PYGO1: variants seen among roughly 807,000 people sequenced by gnomAD.
PYGO1 encodes pygopus homolog 1.
Under a neutral mutation model 29.5 loss-of-function variants are expected in PYGO1, and 6 were observed. That is an observed-to-expected ratio of 0.20 (90% CI 0.11 to 0.40). The LOEUF (loss-of-function observed/expected upper bound fraction) is 0.40, where lower values mean the gene tolerates loss of function less well. Among genes scored for constraint, PYGO1 ranks in the 10% least tolerant of loss-of-function variants. The pLI is 1.00. For synonymous variants in PYGO1, 186 were observed against 180.5 expected (o/e 1.03, Z -0.24); for missense variants, 515 against 514.9 (o/e 1.00, Z 0.00).
At chr15:55,565,715 C>A (rs912726048) in intron 1 of PYGO1, among the ~76,000 whole-genome samples, 34 of 151,780 alleles carry the variant, frequency 2.2e-4, no homozygotes, top group Non-Finnish European at 4.4e-4. Flanking sequence ...CTCCGTCTCC[C>A]CCAAAAAAAA....
At chr15:55,584,317 T>C (rs1220465945) in intron 1 of PYGO1, among the ~76,000 whole-genome samples, 4 of 151,950 alleles carry the variant, frequency 2.6e-5, no homozygotes, top group Non-Finnish European at 5.9e-5. Flanking sequence ...CAGGTTGTCG[T>C]CCAGGCTGTT....
At chr15:55,561,225 C>A (rs1235297784) in intron 1 of PYGO1, among the ~76,000 whole-genome samples, 2 of 152,150 alleles carry the variant, frequency 1.3e-5, no homozygotes, top group Non-Finnish European at 2.9e-5. Flanking sequence ...TGACAAAAAT[C>A]TGCAATGGGG....
chr15:55,566,189 G>C (rs1026268421), intron 1 of PYGO1, among the ~76,000 whole-genome samples: 1 of 152,138 alleles, frequency 6.6e-6, no homozygotes, highest in Admixed American at 6.6e-5. Flanking sequence ...TGTCACCCAG[G>C]TGCTGAGCAT....
intron 1 of PYGO1, among the ~76,000 whole-genome samples, chr15:55,569,680 T>C (rs568015249): frequency 1.3e-5 from 2 of 152,330 alleles, no homozygotes; most frequent in African/African-American, 4.8e-5. Flanking sequence ...ATTTCAATTT[T>C]TTTGAATTTA....
At chr15:55,549,273 G>A (rs2058868339) in intron 1 of PYGO1, among the ~76,000 whole-genome samples, 1 of 152,030 alleles carries the variant, frequency 6.6e-6, no homozygotes, top group South Asian at 2.1e-4. Flanking sequence ...CTGTCTCAGA[G>A]GCCACCACTA....
At chr15:55,587,142 A>C (rs2059050349) in intron 1 of PYGO1, among the ~76,000 whole-genome samples, 1 of 152,210 alleles carries the variant, frequency 6.6e-6, no homozygotes, top group South Asian at 2.1e-4. Context: ...TTGTGAACTT[A>C]TATGCAGTAT....
intron 1 of PYGO1, among the ~76,000 whole-genome samples, chr15:55,563,366 C>CTTT (rs746208614): frequency 1.4e-4 from 18 of 128,774 alleles, no homozygotes; most frequent in African/African-American, 2.3e-4. Context: ...TGAATAAATT[C>CTTT]TTTTTTTTTT....
rs551753982 is a variant in PYGO1, at chr15:55,542,191, G to A, written c.*3832C>T. The A allele has an allele frequency of 3.3e-5, 5 of 152,126 alleles. No individual in the cohort carries two copies. The highest frequency in any genetic ancestry group is 3.9e-4 in the East Asian group (2 of 5,182). 9.4% of individuals were successfully genotyped at this position (152,126 alleles called of 1,614,324 possible). On this transcript the variant is annotated 3_prime_UTR_variant, in exon 3 of 3. Coordinates refer to ENST00000563719, the MANE Select transcript of PYGO1 (RefSeq NM_001367806.1). ...TAAGTGCTAAAACTCTAATTTGTTC[G>A]AGACAAACAAGTTTGAAAGAATATT... is the stretch of plus-strand genomic sequence containing the variant.
chr15:55,549,194 T>C (rs2058867894), intron 1 of PYGO1, among the ~76,000 whole-genome samples, 199 bp from the exon 2 acceptor site: 1 of 152,174 alleles, frequency 6.6e-6, no homozygotes. Flanking sequence ...CCTGCTCCCA[T>C]ATTTATTATT....
At chr15:55,565,721 AAAAAACAAAAAC>A (rs1175437428) in intron 1 of PYGO1, among the ~76,000 whole-genome samples, 1 of 152,096 alleles carries the variant, frequency 6.6e-6, no homozygotes, top group Non-Finnish European at 1.5e-5. Flanking sequence ...CTCCCCCAAA[AAAAAACAAAAAC>A]AAAAACAAAA....
chr15:55,555,523 T>TG (rs1013560954), intron 1 of PYGO1, among the ~76,000 whole-genome samples: 78 of 80,112 alleles, frequency 9.7e-4, no homozygotes, highest in African/African-American at 3.9e-3. Flanking sequence ...GTAAATGGAG[T>TG]GGGGTGGGGG....
intron 1 of PYGO1, among the ~76,000 whole-genome samples, chr15:55,562,944 G>A (rs1345606282): frequency 6.6e-6 from 1 of 152,006 alleles, no homozygotes; most frequent in Non-Finnish European, 1.5e-5. Context: ...GCTGAACAAT[G>A]AGAACACATG....
At chr15:55,566,478 C>T (rs971333187) in intron 1 of PYGO1, among the ~76,000 whole-genome samples, 1 of 151,876 alleles carries the variant, frequency 6.6e-6, no homozygotes, top group Non-Finnish European at 1.5e-5. Context: ...CAATCCACCA[C>T]TGATGGGCAC....
chr15:55,568,107 G>C (rs889137205), intron 1 of PYGO1, among the ~76,000 whole-genome samples: 1 of 152,078 alleles, frequency 6.6e-6, no homozygotes, highest in Non-Finnish European at 1.5e-5. Context: ...TTCCAATTCT[G>C]TGAAAAATTC....
chr15:55,562,863 A>G (rs1221311924), intron 1 of PYGO1, among the ~76,000 whole-genome samples: 1 of 152,142 alleles, frequency 6.6e-6, no homozygotes, highest in Non-Finnish European at 1.5e-5. Flanking sequence ...AGAAGCTGTT[A>G]CCCTCAGCAA....
rs2058852534 is a variant in PYGO1 at position 55,546,660 on chromosome 15, T to C, written c.623A>G (p.Asn208Ser). The C allele has an allele frequency of 2.5e-6, 4 of 1,613,960 alleles. No individual in the cohort carries two copies. In the South Asian group the frequency reaches 3.3e-5, roughly 13 times the overall value. Residue 208 changes from asparagine to serine, a missense_variant, in exon 3 of 3, where the codon AAT (asparagine) becomes AGT (serine). Asn to Ser is a conservative substitution (Grantham distance 46, BLOSUM62 1). Transcript: ENST00000563719. The part of the protein sequence containing the change: ...PDLASNFVPG[N>S]NSNFTSPLES... Reference sequence around the variant, plus strand: ...TAACGGAGAAGTAAAATTTGAATTATTTCCAGGAACAAAATTAGATGCCAA... The same window carrying C: ...TAACGGAGAAGTAAAATTTGAATTACTTCCAGGAACAAAATTAGATGCCAA...
At chr15:55,569,572 A>G (rs1172411169) in intron 1 of PYGO1, among the ~76,000 whole-genome samples, 1 of 152,182 alleles carries the variant, frequency 6.6e-6, no homozygotes, top group Non-Finnish European at 1.5e-5. Flanking sequence ...GTCATTCAAG[A>G]GCAAGTTGTT....
rs2059059269 is a variant in PYGO1, at chr15:55,588,311, G to A, written c.-428C>T. On this transcript the variant is annotated 5_prime_UTR_variant, in exon 1 of 3. Coordinates refer to ENST00000563719, the MANE Select transcript of PYGO1 (RefSeq NM_001367806.1). ...CACTCACAGCGCCCTCTGAGGAGGA[G>A]GTCTGCTCTCTCGCCGCTCCCGAGT... Among the ~76,000 whole-genome samples the A allele has an allele frequency of 6.7e-6, 1 of 148,750 alleles. No individual in the cohort carries two copies. Among genetic ancestry groups the A allele is most frequent in the Non-Finnish European group, 1.5e-5 (1 of 66,690 alleles).
chr15:55,545,929 G>A lies in PYGO1; in HGVS notation c.*94C>T. ...CTAAGTAAATAATGTTTTTGTGTAT[G>A]CATTTAAAAAAATAATGTAAAACAT... On this transcript the variant is annotated 3_prime_UTR_variant, in exon 3 of 3. Transcript: ENST00000563719. 2.3e-6 allele frequency: 3 copies of A among 1,312,868 alleles called. No individual in the cohort carries two copies. The highest frequency in any genetic ancestry group is 3.1e-6 in the Non-Finnish European group (3 of 959,538). 81.3% of individuals were successfully genotyped at this position (1,312,868 alleles called of 1,614,324 possible). A position where few individuals can be genotyped will look rare whatever the true frequency, so the allele number is the denominator to read the frequency against.
Sources: gnomAD v4.1 joint callset for allele counts (sites outside exome capture counted in the v4.1 genomes callset) on GRCh38, gnomAD v4.1.1 for gene constraint, MANE v1.5 for transcripts, NCBI Gene and HGNC (gene_info 2026-07-23, HGNC 2026-07-21) for gene names.